Variants in ZNF804B observed in about 807,000 individuals in gnomAD.
ZNF804B encodes the protein zinc finger protein 804B.
Under a neutral mutation model 101.4 loss-of-function variants are expected in ZNF804B, and 80 were observed. The observed-to-expected ratio is 0.79, with a 90% CI of 0.66 to 0.95. The LOEUF (loss-of-function observed/expected upper bound fraction) is 0.95. Ranked by LOEUF, ZNF804B falls within the 40% of genes least tolerant of loss-of-function variation. The pLI, the probability that ZNF804B is intolerant of heterozygous loss-of-function variation, is 0.00. For missense variants in ZNF804B, 1,673 were observed against 1,561.9 expected, an observed-to-expected ratio of 1.07 and a Z score of -1.20; for synonymous variants, 622 against 558.8, an observed-to-expected ratio of 1.11 and a Z score of -1.59.
chr7:89,117,977 GT>G (rs1790336055), intron 1 of ZNF804B, among the ~76,000 whole-genome samples: 1 of 152,028 alleles, frequency 6.6e-6, no homozygotes, highest in Non-Finnish European at 1.5e-5. Context: ...TGAAAGTCCT[GT>G]AGGCTTGACA....
intron 1 of ZNF804B, among the ~76,000 whole-genome samples, chr7:88,857,822 C>CT (rs55841922): frequency 0.027 from 2,229 of 81,224 alleles, 256 homozygotes; most frequent in African/African-American, 0.041. Context: ...CCTTTCTTTT[C>CT]TTTTTTTTTT....
At chr7:89,089,344 G>T (rs911647935) in intron 1 of ZNF804B, among the ~76,000 whole-genome samples, 1 of 149,148 alleles carries the variant, frequency 6.7e-6, no homozygotes, top group Non-Finnish European at 1.5e-5. Flanking sequence ...GATACAGATG[G>T]CTATGTTTTC....
intron 1 of ZNF804B, among the ~76,000 whole-genome samples, chr7:88,985,910 G>C (rs931996170): frequency 6.6e-6 from 1 of 152,108 alleles, no homozygotes; most frequent in Non-Finnish European, 1.5e-5. Context: ...ACCATTACAG[G>C]AGGATATACT....
chr7:88,787,898 GC>G (rs1167609711), intron 1 of ZNF804B, among the ~76,000 whole-genome samples: 1 of 152,100 alleles, frequency 6.6e-6, no homozygotes, highest in Non-Finnish European at 1.5e-5. Flanking sequence ...AAATGCCTAA[GC>G]AGGGCACAGA....
intron 1 of ZNF804B, among the ~76,000 whole-genome samples, chr7:88,897,613 G>A (rs944636083): frequency 2.6e-5 from 4 of 152,044 alleles, no homozygotes; most frequent in Admixed American, 2.6e-4. Context: ...ATTGGAACTC[G>A]GATTCCTCAA....
intron 1 of ZNF804B, among the ~76,000 whole-genome samples, chr7:88,834,357 A>G (rs952220453): frequency 4.0e-5 from 6 of 151,836 alleles, no homozygotes; most frequent in African/African-American, 1.4e-4. Flanking sequence ...TATTAAGACA[A>G]TAAGCTGATC....
At chr7:89,012,670 C>T (rs539121101) in intron 1 of ZNF804B, among the ~76,000 whole-genome samples, 19 of 152,264 alleles carry the variant, frequency 1.2e-4, no homozygotes, top group African/African-American at 3.9e-4. Flanking sequence ...TGGTCAAAGC[C>T]ATTCAACAAG....
chr7:89,333,451 A>G lies in ZNF804B; in HGVS notation c.469A>G (p.Arg157Gly). Residue 157 changes from arginine to glycine, a missense_variant, in exon 4 of 4, where the codon AGA becomes GGA. Physicochemically the swap from Arg to Gly is moderately radical, Grantham distance 125. Transcript: ENST00000333190. ...QQGIFPIKNGRKVSCMKSALL... is the reference protein window; with the variant it reads ...QQGIFPIKNGGKVSCMKSALL... ...AGGAATTTTCCCCATTAAGAATGGCAGAAAGGTATCATGCATGAAGAGTGC... is the reference window on the plus strand; with the variant it reads ...AGGAATTTTCCCCATTAAGAATGGCGGAAAGGTATCATGCATGAAGAGTGC... 1 of 1,613,176 alleles carries G rather than the reference A, an allele frequency of 6.2e-7. No individual in the cohort carries two copies. Among genetic ancestry groups the G allele is most frequent in the South Asian group, 1.1e-5 (1 of 91,040 alleles).
intron 1 of ZNF804B, among the ~76,000 whole-genome samples, chr7:89,121,505 A>T (rs1412639673): frequency 6.6e-6 from 1 of 152,206 alleles, no homozygotes; most frequent in South Asian, 2.1e-4. Context: ...TTTATGTATA[A>T]TCTGCCAGAA....
chr7:89,208,566 A>T (rs1035011108), intron 1 of ZNF804B, among the ~76,000 whole-genome samples: 5 of 151,252 alleles, frequency 3.3e-5, no homozygotes, highest in African/African-American at 1.2e-4. Flanking sequence ...TGTTATGATT[A>T]TCTTTGGATT....
chr7:89,323,315 A>T (rs966863879), intron 2 of ZNF804B, among the ~76,000 whole-genome samples: 1 of 152,230 alleles, frequency 6.6e-6, no homozygotes. Context: ...CTAGAATGAC[A>T]CAAGAACTTT....
intron 1 of ZNF804B, among the ~76,000 whole-genome samples, chr7:89,017,816 G>T (rs189925394): frequency 2.4e-3 from 369 of 152,054 alleles, no homozygotes; most frequent in African/African-American, 8.0e-3. Flanking sequence ...ATTTCAGCTA[G>T]TTCCTTGTTT....
chr7:89,052,931 G>A (rs1789231804), intron 1 of ZNF804B, among the ~76,000 whole-genome samples: 1 of 152,104 alleles, frequency 6.6e-6, no homozygotes. Flanking sequence ...CTGTCACCTA[G>A]TTAGTGTAAA....
chr7:89,332,102 A>C (rs1736254202), intron 3 of ZNF804B, among the ~76,000 whole-genome samples: 1 of 151,620 alleles, frequency 6.6e-6, no homozygotes, highest in African/African-American at 2.4e-5. Flanking sequence ...AAAGCATACA[A>C]GCACACAAGC....
chr7:88,887,634 T>A (rs1792148165), intron 1 of ZNF804B, among the ~76,000 whole-genome samples: 1 of 152,152 alleles, frequency 6.6e-6, no homozygotes, highest in South Asian at 2.1e-4. Context: ...GTAAACCACT[T>A]TTTAAAAAAT....
chr7:89,116,325 T>TA (rs1309683516), intron 1 of ZNF804B, among the ~76,000 whole-genome samples: 1 of 152,306 alleles, frequency 6.6e-6, no homozygotes, highest in East Asian at 1.9e-4. Flanking sequence ...GTATGGCTAT[T>TA]AAAACACATA....
At chr7:89,289,700 G>T (rs1487379206) in intron 2 of ZNF804B, among the ~76,000 whole-genome samples, 3 of 152,186 alleles carry the variant, frequency 2.0e-5, no homozygotes, top group African/African-American at 7.2e-5. Flanking sequence ...CATCTCAGTG[G>T]TGGGAACTTG....
chr7:89,268,881 T>C (rs1027738440), intron 2 of ZNF804B, among the ~76,000 whole-genome samples: 1 of 152,080 alleles, frequency 6.6e-6, no homozygotes, highest in Non-Finnish European at 1.5e-5. Flanking sequence ...ACAAGTGCTG[T>C]ATAAAGAGAA....
chr7:88,876,172 C>CT (rs1381769248), intron 1 of ZNF804B, among the ~76,000 whole-genome samples: 1 of 152,150 alleles, frequency 6.6e-6, no homozygotes, highest in Admixed American at 6.6e-5. Flanking sequence ...TCTTTTACTG[C>CT]TTTCCCAGAC....
Sources: gnomAD v4.1 joint callset for allele counts (sites outside exome capture counted in the v4.1 genomes callset) on GRCh38, gnomAD v4.1.1 for gene constraint, MANE v1.5 for transcripts, NCBI Gene and HGNC (gene_info 2026-07-23, HGNC 2026-07-21) for gene names.